The following WASHC3 variants were observed in gnomAD, a reference collection of about 807,000 sequenced individuals.
WASHC3 encodes the protein WASH complex subunit 3, also known as WASH complex subunit CCDC53.
A neutral mutation model predicts 26.1 loss-of-function variants in WASHC3; 24 were observed. The ratio of observed to expected loss-of-function variants is 0.92; its 90% confidence interval spans 0.66 to 1.29. WASHC3 has a LOEUF of 1.29. WASHC3 is among the 50% of genes most tolerant of loss of function. The pLI is 0.00. For missense variants in WASHC3, 214 were observed against 229.6 expected (o/e 0.93, Z 0.44); for synonymous variants, 77 against 75.7 (o/e 1.02, Z -0.09).
chr12:102,052,907 G>A (rs1878448892), intron 2 of WASHC3, among the ~76,000 whole-genome samples: 1 of 151,844 alleles, frequency 6.6e-6, no homozygotes, highest in Non-Finnish European at 1.5e-5. Context: ...TCAGGCTCCA[G>A]TCTGGCCCCT....
chr12:102,047,623 T>A (rs1878216884), intron 2 of WASHC3, among the ~76,000 whole-genome samples: 1 of 152,204 alleles, frequency 6.6e-6, no homozygotes, highest in Admixed American at 6.5e-5. Flanking sequence ...ATCTAATCAG[T>A]CTCAATTCAC....
At chr12:102,024,227 T>G (rs1202013711) in intron 6 of WASHC3, among the ~76,000 whole-genome samples, 1 of 152,138 alleles carries the variant, frequency 6.6e-6, no homozygotes, top group Non-Finnish European at 1.5e-5. Flanking sequence ...TTCTATGCAA[T>G]ACTAAGATGT....
chr12:102,045,355 G>C (rs576873891), intron 3 of WASHC3, among the ~76,000 whole-genome samples: 9 of 152,168 alleles, frequency 5.9e-5, no homozygotes, highest in Non-Finnish European at 1.3e-4. Flanking sequence ...TATTAAAAAG[G>C]GATATCATTT....
chr12:102,034,477 C>A (rs1326143201), intron 5 of WASHC3, among the ~76,000 whole-genome samples: 6 of 152,102 alleles, frequency 3.9e-5, no homozygotes, highest in African/African-American at 1.4e-4. Context: ...GGAAACACAA[C>A]TAGCTATGCA....
rs1264778230 is a variant in WASHC3 at position 102,046,100 on chromosome 12, A to G, written c.170T>C (p.Leu57Pro). Residue 57 changes from leucine to proline, a missense_variant, in exon 3 of 7, where the codon CTT becomes CCT. Physicochemically the swap from Leu to Pro is moderately conservative, Grantham distance 98 (BLOSUM62 -3). Coordinates refer to ENST00000240079, the MANE Select transcript of WASHC3 (RefSeq NM_016053.4). ...VCEEKLADLS[L>P]RIQQIETTLN... The stretch of plus-strand genomic sequence containing the variant: ...AGTTGTTTCAATTTGTTGGATACGA[A>G]GTGAAAGGTCTGCCAGTTTCTGTAA... The G allele has an allele frequency of 6.3e-7, 1 of 1,596,690 alleles. No individual in the cohort carries two copies. The highest frequency in any genetic ancestry group is 1.3e-5 in the African/African-American group (1 of 74,786).
intron 6 of WASHC3, among the ~76,000 whole-genome samples, chr12:102,019,074 C>T (rs774865813): frequency 6.6e-6 from 1 of 152,202 alleles, no homozygotes; most frequent in Non-Finnish European, 1.5e-5. Flanking sequence ...GCTGGGATTA[C>T]AGGCATGAGC....
At chr12:102,029,827 G>T (rs1433957659) in intron 5 of WASHC3, among the ~76,000 whole-genome samples, 1 of 152,090 alleles carries the variant, frequency 6.6e-6, no homozygotes, top group African/African-American at 2.4e-5. Context: ...GAATACGTTG[G>T]TGGAAAAAAC....
At chr12:102,015,828 C>T (rs1876677187) in intron 6 of WASHC3, among the ~76,000 whole-genome samples, 1 of 152,052 alleles carries the variant, frequency 6.6e-6, no homozygotes, top group South Asian at 2.1e-4. Flanking sequence ...GACGGTGGTC[C>T]CATTAGATTA....
At chr12:102,017,432 T>C (rs1179289414) in intron 6 of WASHC3, among the ~76,000 whole-genome samples, 1 of 152,198 alleles carries the variant, frequency 6.6e-6, no homozygotes, top group African/African-American at 2.4e-5. Context: ...TCCAAATAGT[T>C]GGAAACACTT....
upstream of WASHC3, chr12:102,062,043 A>C: frequency 7.8e-5 from 100 of 1,274,222 alleles, no homozygotes; most frequent in Middle Eastern, 1.9e-4. Context: ...ATCACGTCTC[A>C]ACTTTCCCCC....
chr12:102,059,019 G>A (rs1366666725), intron 2 of WASHC3, among the ~76,000 whole-genome samples: 1 of 152,158 alleles, frequency 6.6e-6, no homozygotes, highest in Non-Finnish European at 1.5e-5. Context: ...GAAATATTGA[G>A]TAGAATGGTG....
chr12:102,060,383 G>C lies in WASHC3; in HGVS notation c.150+865C>G, dbSNP rs1217057521. On this transcript the variant is annotated intron_variant, in intron 2 of 6. Coordinates refer to ENST00000240079, the MANE Select transcript of WASHC3 (RefSeq NM_016053.4). ...TTGTCTCAAATTCCCGGGCGCAAGT[G>C]ATCCTCCTGCCTCTGCCTCCCGAGT... 3.9e-5 allele frequency among the ~76,000 whole-genome samples: 6 copies of C among 152,310 alleles called. No individual in the cohort carries two copies. In the South Asian group the frequency reaches 1.2e-3, roughly 32 times the overall value.
chr12:102,057,009 A>C (rs1424283669), intron 2 of WASHC3, among the ~76,000 whole-genome samples: 5 of 152,172 alleles, frequency 3.3e-5, no homozygotes, highest in Non-Finnish European at 7.4e-5. Context: ...TAGAAGCAAA[A>C]ATCCTCTACA....
intron 3 of WASHC3, among the ~76,000 whole-genome samples, chr12:102,044,946 G>T (rs1172507888): frequency 2.0e-5 from 3 of 152,046 alleles, no homozygotes; most frequent in Non-Finnish European, 2.9e-5. Flanking sequence ...CTAACTTTGG[G>T]GATGACTCTA....
At chr12:102,046,517 T>G (rs940474540) in intron 2 of WASHC3, among the ~76,000 whole-genome samples, 1 of 152,142 alleles carries the variant, frequency 6.6e-6, no homozygotes, top group African/African-American at 2.4e-5. Flanking sequence ...ATGGTCTTGA[T>G]CTCTTGACCT....
chr12:102,029,856 G>A (rs988933250), intron 5 of WASHC3, among the ~76,000 whole-genome samples: 3 of 152,074 alleles, frequency 2.0e-5, no homozygotes, highest in African/African-American at 2.4e-5. Flanking sequence ...TGCAGAGCAC[G>A]GGAACTAGTA....
At chr12:102,062,060 C>T, upstream of WASHC3, 1 of 1,079,976 alleles carries the variant, frequency 9.3e-7, no homozygotes, top group Non-Finnish European at 1.4e-6. Context: ...CCCCCAAGTG[C>T]CCGCCTCCGG....
At chr12:102,020,938 C>T (rs1876930290) in intron 6 of WASHC3, among the ~76,000 whole-genome samples, 1 of 152,056 alleles carries the variant, frequency 6.6e-6, no homozygotes, top group Non-Finnish European at 1.5e-5. Flanking sequence ...AAAAATTAGC[C>T]AGGCATGGTG....
intron 6 of WASHC3, among the ~76,000 whole-genome samples, chr12:102,018,867 G>A (rs1002867622): frequency 8.6e-5 from 13 of 151,912 alleles, no homozygotes; most frequent in Non-Finnish European, 1.6e-4. Context: ...CACCATCTTG[G>A]CTCACTCCAA....
Sources: allele counts gnomAD v4.1 joint callset (sites outside exome capture counted in the v4.1 genomes callset), GRCh38; gene constraint gnomAD v4.1.1; transcripts MANE v1.5; gene names NCBI Gene and HGNC (gene_info 2026-07-23, HGNC 2026-07-21).